The following ZNF468 variants were observed in gnomAD, a reference collection of about 807,000 sequenced individuals.
The protein encoded by ZNF468 is zinc finger protein ZNF468.
In ZNF468, 8 loss-of-function variants were observed where a neutral mutation model predicts 7.2. The observed-to-expected ratio is 1.11, with a 90% CI of 0.65 to 2.01. The LOEUF is 2.01. Ranked by LOEUF, ZNF468 falls within the 30% of genes most tolerant of loss-of-function variation. The pLI is 0.00. For synonymous variants in ZNF468, 218 were observed against 214.4 expected (o/e 1.02, Z -0.15); for missense variants, 608 against 626.5 (o/e 0.97, Z 0.31).
At chr19:52,852,895 C>T (rs2063402188) in intron 2 of ZNF468, among the ~76,000 whole-genome samples, 2 of 150,748 alleles carry the variant, frequency 1.3e-5, no homozygotes, top group Admixed American at 1.3e-4. Context: ...TCCTCTGTTG[C>T]CCAGGCTGGA....
At position 52,841,059 on chromosome 19, in the gene ZNF468, T is replaced by C. The variant is rs200981703; in HGVS notation, c.1235A>G (p.Lys412Arg). 3.7e-6 allele frequency: 6 copies of C among 1,612,900 alleles called. No individual in the cohort carries two copies. The highest frequency in any genetic ancestry group is 5.1e-6 in the Non-Finnish European group (6 of 1,179,318). The change falls in exon 4 of 4, where the codon AAA becomes AGA. Residue 412 changes from lysine (K) to arginine (R), a missense_variant. By Grantham distance (26) the Lys-to-Arg change is conservative (BLOSUM62 2). Coordinates refer to ENST00000595646, the MANE Select transcript of ZNF468 (RefSeq NM_001008801.2). The stretch of plus-strand genomic sequence containing the variant: ...GAAAACTTTGCAACATTCTTCACAT[T>C]TGTAAGGTTTCTCTCCACTATGAAT... ...RRIHSGEKPY[K>R]CEECCKVFSR...
Position 52,841,872 on chromosome 19 carries a change from C to G in ZNF468, c.422G>C (p.Gly141Ala). ...AGNKRIKDQL[G>A]SSFHLHLPEP... Reference sequence around the variant, plus strand: ...AGGCAGATGCAAATGAAAGCTTGATCCAAGCTGATCTTTAATACGCTTGTT... The same window carrying G: ...AGGCAGATGCAAATGAAAGCTTGATGCAAGCTGATCTTTAATACGCTTGTT... The change falls in exon 4 of 4, where the codon GGA becomes GCA. Residue 141 changes from glycine (G) to alanine (A), a missense_variant. Gly to Ala is a moderately conservative substitution (Grantham distance 60). Coordinates refer to ENST00000595646, the MANE Select transcript of ZNF468 (RefSeq NM_001008801.2). 1.9e-6 allele frequency: 3 copies of G among 1,614,058 alleles called. No homozygotes were observed. Among genetic ancestry groups the G allele is most frequent in the Non-Finnish European group, 2.5e-6 (3 of 1,180,010 alleles).
At position 52,841,541 on chromosome 19, in the gene ZNF468, G is replaced by C; in HGVS notation, c.753C>G (p.Val251=). ...KQCKCDVCGK[V]FNQKRYLACH... ...AGGCAAGGTATCGCTTCTGATTAAA[G>C]ACCTTGCCACATACATCACATTTAC... is the stretch of plus-strand genomic sequence containing the variant. The change falls in exon 4 of 4, where the codon GTC becomes GTG. Residue 251 remains valine, a synonymous_variant. Coordinates refer to ENST00000595646, the MANE Select transcript of ZNF468 (RefSeq NM_001008801.2). The C allele has an allele frequency of 1.2e-6, 2 of 1,614,076 alleles. No homozygotes were observed. Among genetic ancestry groups the C allele is most frequent in the Non-Finnish European group, 1.7e-6 (2 of 1,180,014 alleles).
rs528376774 is a variant in ZNF468, at chr19:52,850,715, C to G, written c.16-1502G>C. Among the ~76,000 whole-genome samples, 8 of 151,032 alleles carry G rather than the reference C, an allele frequency of 5.3e-5. No individual in the cohort carries two copies. The South Asian group carries it at 1.7e-3, about 32-fold the overall frequency. On this transcript the variant is annotated intron_variant, in intron 2 of 3. Transcript: ENST00000595646. Reference sequence around the variant, plus strand: ...GAGATCGAGACCATCCTGGCTAACACGGTGAAACCCCATCTCTACTAAAAA... The same window carrying G: ...GAGATCGAGACCATCCTGGCTAACAGGGTGAAACCCCATCTCTACTAAAAA...
Position 52,842,620 on chromosome 19 carries a change from T to G in ZNF468, c.143-469A>C, listed in dbSNP as rs375998112. Among the ~76,000 whole-genome samples, 39 of 152,008 alleles carry G rather than the reference T, an allele frequency of 2.6e-4. 1 individual carries two copies. In the East Asian group the frequency reaches 7.5e-3, roughly 29 times the overall value. On this transcript the variant is annotated intron_variant, in intron 3 of 3. Coordinates refer to ENST00000595646, the MANE Select transcript of ZNF468 (RefSeq NM_001008801.2). The stretch of plus-strand genomic sequence containing the variant: ...AACCAAAATTAGTGGAAATTCTCTA[T>G]TGTCAAACAATCACAGCACTGACAA...
rs1308701664 is a variant in ZNF468 at position 52,841,759 on chromosome 19, T to C, written c.535A>G (p.Arg179Gly). 5.6e-6 allele frequency: 9 copies of C among 1,614,126 alleles called. 1 individual carries two copies. The highest frequency in any genetic ancestry group is 2.2e-5 in the South Asian group (2 of 91,072). The change falls in exon 4 of 4, where the codon AGA (arginine) becomes GGA (glycine). Residue 179 changes from arginine to glycine, a missense_variant. Arg to Gly is a moderately radical substitution (Grantham distance 125). Transcript: ENST00000595646. ...NNASSVSTSQ[R>G]ICCRPKTHIS... ...TGGGTTTTGGGCCTACAACAAATTC[T>C]TTGGGATGTTGAAACTGAGGAAGCA...
chr19:52,845,645 T>TGA (rs2063336597), intron 3 of ZNF468, among the ~76,000 whole-genome samples: 1 of 151,336 alleles, frequency 6.6e-6, no homozygotes, highest in Non-Finnish European at 1.5e-5. Context: ...GGCAAGAGAG[T>TGA]GAGACTCCAT....
intron 1 of ZNF468, among the ~76,000 whole-genome samples, chr19:52,856,206 A>C (rs2063436975): frequency 6.6e-6 from 1 of 151,652 alleles, no homozygotes; most frequent in Non-Finnish European, 1.5e-5. Context: ...ACCAAGACAT[A>C]AGCAAATTAT....
intron 2 of ZNF468, among the ~76,000 whole-genome samples, chr19:52,851,034 C>A (rs1197836456): frequency 6.6e-6 from 1 of 151,832 alleles, no homozygotes; most frequent in Non-Finnish European, 1.5e-5. Context: ...GAATTCTGTG[C>A]GACTGAAGCA....
At chr19:52,842,291 G>C in intron 3 of ZNF468, 140 bp from the exon 4 acceptor site, 1 of 721,800 alleles carries the variant, frequency 1.4e-6, no homozygotes, top group South Asian at 2.9e-5. Flanking sequence ...AACACAAAAG[G>C]AGTAAGATTC....
rs769967837 is a variant in ZNF468 at position 52,841,470 on chromosome 19, T to G, written c.824A>C (p.Glu275Ala). The change falls in exon 4 of 4, where the codon GAG becomes GCG. Residue 275 changes from glutamate to alanine, a missense_variant. Coordinates refer to ENST00000595646, the MANE Select transcript of ZNF468 (RefSeq NM_001008801.2). ...ATTATGACCAAAGGTCTTGCCACAC[T>G]CATTACACTTGTAAGGTTTCTCACC... is the stretch of plus-strand genomic sequence containing the variant. The part of the protein sequence containing the change: ...HTGEKPYKCN[E>A]CGKTFGHNSS... 2 of 1,614,104 alleles carry G rather than the reference T, an allele frequency of 1.2e-6. No homozygotes were observed. The highest frequency in any genetic ancestry group is 8.5e-7 in the Non-Finnish European group (1 of 1,179,976).
At chr19:52,850,763 G>A (rs1449231894) in intron 2 of ZNF468, among the ~76,000 whole-genome samples, 1 of 151,774 alleles carries the variant, frequency 6.6e-6, no homozygotes, top group African/African-American at 2.4e-5. Flanking sequence ...GCCGGGCGTG[G>A]TGGCGGGCGC....
Position 52,853,789 on chromosome 19 carries a change from T to A in ZNF468, c.15+469A>T. On this transcript the variant is annotated intron_variant, in intron 2 of 3. Coordinates refer to ENST00000595646, the MANE Select transcript of ZNF468 (RefSeq NM_001008801.2). ...AAGATTTTTGGAGTCAGAAACACAG[T>A]AACTCACTCCATTACCTAAAAATGT... is the stretch of plus-strand genomic sequence containing the variant. 5.5e-6 allele frequency: 5 copies of A among 903,138 alleles called. No individual in the cohort carries two copies. The South Asian group carries it at 2.4e-4, about 42-fold the overall frequency. The allele number at this position is 903,138 out of a possible 1,614,324, so 55.9% of individuals were successfully genotyped here. A position where few individuals can be genotyped will look rare whatever the true frequency, so the allele number is the denominator to read the frequency against.
intron 2 of ZNF468, among the ~76,000 whole-genome samples, chr19:52,850,831 G>A (rs1473707069): frequency 6.6e-5 from 10 of 151,782 alleles, no homozygotes; most frequent in South Asian, 2.1e-4. Flanking sequence ...CCCGGGAGGT[G>A]GAGCTTGCAG....
chr19:52,846,293 G>C (rs776453229), intron 3 of ZNF468, among the ~76,000 whole-genome samples: 2 of 151,964 alleles, frequency 1.3e-5, no homozygotes, highest in African/African-American at 2.4e-5. Flanking sequence ...TCTGCCTCCC[G>C]GATTCAAGTG....
Position 52,841,014 on chromosome 19 carries a change from T to C in ZNF468, c.1280A>G (p.Glu427Gly). 1.2e-6 allele frequency: 2 copies of C among 1,613,044 alleles called. No individual in the cohort carries two copies. The highest frequency in any genetic ancestry group is 1.7e-6 in the Non-Finnish European group (2 of 1,179,338). ...CKVFSRKSNL[E>G]RHRRIHTGEK... Reference sequence around the variant, plus strand: ...TCCAGTATGAATCCTCCTGTGTCTTTCCAGGTTTGATTTGCGACTGAAAAC... The same window carrying C: ...TCCAGTATGAATCCTCCTGTGTCTTCCCAGGTTTGATTTGCGACTGAAAAC... The change falls in exon 4 of 4, where the codon GAA (glutamate) becomes GGA (glycine). Residue 427 changes from glutamate (E) to glycine (G), a missense_variant. Glu to Gly is a moderately conservative substitution (Grantham distance 98, BLOSUM62 -2). Coordinates refer to ENST00000595646, the MANE Select transcript of ZNF468 (RefSeq NM_001008801.2).
intron 2 of ZNF468, among the ~76,000 whole-genome samples, chr19:52,853,256 C>G (rs2063405596): frequency 6.6e-6 from 1 of 152,042 alleles, no homozygotes; most frequent in African/African-American, 2.4e-5. Flanking sequence ...CCCAGTGAGG[C>G]TGGAAGGAGG....
intron 1 of ZNF468, among the ~76,000 whole-genome samples, chr19:52,855,168 G>C (rs1760835566): frequency 7.0e-6 from 1 of 143,536 alleles, no homozygotes; most frequent in African/African-American, 2.7e-5. Context: ...GACAGAGTGA[G>C]AGTCTGTTTG....
intron 2 of ZNF468, chr19:52,853,772 T>A (rs1420313228): frequency 6.0e-6 from 5 of 834,330 alleles, no homozygotes; most frequent in Non-Finnish European, 7.6e-6. Flanking sequence ...GTAAGATTTT[T>A]GGAGTCAGAA....
Sources: gnomAD v4.1 joint callset for allele counts (sites outside exome capture counted in the v4.1 genomes callset) on GRCh38, gnomAD v4.1.1 for gene constraint, MANE v1.5 for transcripts, NCBI Gene and HGNC (gene_info 2026-07-23, HGNC 2026-07-21) for gene names.